R3HDM2: variants seen among roughly 807,000 people sequenced by gnomAD.
R3HDM2 encodes the protein R3H domain-containing protein 2.
A neutral mutation model predicts 124.5 loss-of-function variants in R3HDM2; 38 were observed. The observed-to-expected ratio is 0.31, with a 90% confidence interval of 0.24 to 0.40. R3HDM2 has a LOEUF of 0.40. Ranked by LOEUF, R3HDM2 falls within the 10% of genes least tolerant of loss-of-function variation. The probability of loss-of-function intolerance (pLI) is 1.00; values close to 1 mark genes in which losing one functional copy is unlikely to be tolerated. For missense variants in R3HDM2, 869 were observed against 1,236.9 expected, an observed-to-expected ratio of 0.70 and a Z score of 4.46; for synonymous variants, 391 against 448.0, an observed-to-expected ratio of 0.87 and a Z score of 1.61.
At chr12:57,404,838 T>C (rs1566496978) in intron 1 of R3HDM2, among the ~76,000 whole-genome samples, 1 of 151,818 alleles carries the variant, frequency 6.6e-6, no homozygotes, top group Non-Finnish European at 1.5e-5. Flanking sequence ...AAAAACATAA[T>C]GAGACCCCAT....
intron 2 of R3HDM2, 103 bp from the exon 3 acceptor site, chr12:57,310,566 T>C: frequency 3.6e-6 from 2 of 549,590 alleles, no homozygotes; most frequent in Non-Finnish European, 5.5e-6. Context: ...GCAGCCTTCC[T>C]TTAACCCAGA....
At chr12:57,256,353 A>C in intron 22 of R3HDM2, 61 bp downstream of exon 22, 3 of 1,368,236 alleles carry the variant, frequency 2.2e-6, no homozygotes, top group Non-Finnish European at 3.0e-6. Flanking sequence ...AAGCTCAGAC[A>C]CAGGCACCCA....
chr12:57,268,854 C>A, intron 17 of R3HDM2, 68 bp downstream of exon 17: 1 of 1,551,816 alleles, frequency 6.4e-7, no homozygotes, highest in Non-Finnish European at 8.8e-7. Context: ...TATGGATGAC[C>A]CTGGGAGGCT....
intron 2 of R3HDM2, among the ~76,000 whole-genome samples, chr12:57,357,065 T>C (rs1254433933): frequency 6.6e-6 from 1 of 151,566 alleles, no homozygotes; most frequent in Non-Finnish European, 1.5e-5. Flanking sequence ...ATCGCGTCAC[T>C]GCACTCCAGC....
intron 2 of R3HDM2, among the ~76,000 whole-genome samples, chr12:57,324,958 C>T (rs531140010): frequency 6.6e-6 from 1 of 152,220 alleles, no homozygotes. Context: ...GAAATTTGGA[C>T]ACAGAAGTAC....
chr12:57,374,683 T>TA (rs56197858), intron 2 of R3HDM2, among the ~76,000 whole-genome samples: 3,508 of 28,066 alleles, frequency 0.12, 654 homozygotes, highest in Non-Finnish European at 0.15. Flanking sequence ...AATTCTATCT[T>TA]AAAAAAAAAA....
At chr12:57,269,725 T>C in intron 15 of R3HDM2, 27 bp downstream of exon 15, 1 of 1,613,782 alleles carries the variant, frequency 6.2e-7, no homozygotes, top group Non-Finnish European at 8.5e-7. Context: ...AATTAAGTGA[T>C]TTAAGCTGGG....
At chr12:57,265,543 G>T (rs907026443) in intron 19 of R3HDM2, among the ~76,000 whole-genome samples, 2 of 151,300 alleles carry the variant, frequency 1.3e-5, no homozygotes, top group African/African-American at 2.4e-5. Flanking sequence ...GAAAAGAAAA[G>T]AAAAGAAAAA....
At chr12:57,266,969 C>G in intron 18 of R3HDM2, 138 bp from the exon 19 acceptor site, 1 of 595,022 alleles carries the variant, frequency 1.7e-6, no homozygotes. Flanking sequence ...ATTTGCCATG[C>G]AATTTCTAAA....
intron 1 of R3HDM2, among the ~76,000 whole-genome samples, chr12:57,415,734 T>C (rs7487943): frequency 5.7e-4 from 87 of 152,214 alleles, no homozygotes; most frequent in Middle Eastern, 3.2e-3. Context: ...TCACATTATG[T>C]GCACACAACA....
intron 1 of R3HDM2, among the ~76,000 whole-genome samples, chr12:57,399,253 T>C (rs149323509): frequency 0.055 from 8,352 of 151,784 alleles, 658 homozygotes; most frequent in African/African-American, 0.18. Context: ...AATACAAAAA[T>C]TAGCGGGGCA....
intron 2 of R3HDM2, among the ~76,000 whole-genome samples, chr12:57,311,742 AG>A (rs1241669688): frequency 1.3e-5 from 2 of 152,328 alleles, no homozygotes; most frequent in Admixed American, 6.5e-5. Flanking sequence ...TCTGTCCTTC[AG>A]AAAGATTGGG....
At chr12:57,417,536 G>A (rs1401594712) in intron 1 of R3HDM2, among the ~76,000 whole-genome samples, 1 of 152,094 alleles carries the variant, frequency 6.6e-6, no homozygotes, top group East Asian at 1.9e-4. Flanking sequence ...ATTATTCTGA[G>A]GATTAAATGA....
chr12:57,370,355 G>A (rs1046038579), intron 2 of R3HDM2, among the ~76,000 whole-genome samples: 16 of 148,900 alleles, frequency 1.1e-4, no homozygotes, highest in Non-Finnish European at 2.2e-4. Context: ...ACCTTACTGG[G>A]CACAGTGGCT....
chr12:57,317,147 G>C (rs540736990), intron 2 of R3HDM2, among the ~76,000 whole-genome samples: 1 of 151,004 alleles, frequency 6.6e-6, no homozygotes, highest in Non-Finnish European at 1.5e-5. Context: ...CTCTCAAAGC[G>C]ATTGGAATAA....
chr12:57,308,479 G>A lies in R3HDM2; in HGVS notation c.165+1785C>T, dbSNP rs538569987. Reference sequence around the variant, plus strand: ...GCGGGCAGATCACCTGAGGTCAGGAGTTCAAGACCAGCCTGGCCAACATGG... The same window carrying A: ...GCGGGCAGATCACCTGAGGTCAGGAATTCAAGACCAGCCTGGCCAACATGG... On this transcript the variant is annotated intron_variant, in intron 3 of 23. Coordinates refer to ENST00000402412, the MANE Select transcript of R3HDM2 (RefSeq NM_001394031.1). Among the ~76,000 whole-genome samples the A allele has an allele frequency of 6.8e-4, 99 of 145,984 alleles. 1 individual carries two copies. The highest frequency in any genetic ancestry group is 2.5e-3 in the African/African-American group (97 of 39,538).
At chr12:57,276,834 C>A (rs903119660) in intron 14 of R3HDM2, among the ~76,000 whole-genome samples, 48 of 151,920 alleles carry the variant, frequency 3.2e-4, no homozygotes, top group African/African-American at 1.1e-3. Flanking sequence ...TTGCAGTGAG[C>A]CGAGAGTGCA....
intron 2 of R3HDM2, among the ~76,000 whole-genome samples, chr12:57,387,459 C>G (rs1347969970): frequency 6.6e-6 from 1 of 152,110 alleles, no homozygotes; most frequent in Non-Finnish European, 1.5e-5. Context: ...TTCTTGAAGT[C>G]AGTGAGACCA....
At chr12:57,429,578 T>TGGCTC (rs1368414116) in intron 1 of R3HDM2, among the ~76,000 whole-genome samples, 1 of 151,938 alleles carries the variant, frequency 6.6e-6, no homozygotes, top group East Asian at 1.9e-4. Flanking sequence ...CCAGGAGTGG[T>TGGCTC]GGCTCATGCC....
Sources: gnomAD v4.1 joint callset for allele counts (sites outside exome capture counted in the v4.1 genomes callset) on GRCh38, gnomAD v4.1.1 for gene constraint, MANE v1.5 for transcripts, NCBI Gene and HGNC (gene_info 2026-07-23, HGNC 2026-07-21) for gene names.